Variants in FHIT observed in about 807,000 individuals in gnomAD.
FHIT encodes the protein fragile histidine triad diadenosine triphosphatase, also known as bis(5'-adenosyl)-triphosphatase.
In FHIT, 19 loss-of-function variants were observed where a neutral mutation model predicts 17.9. The observed-to-expected ratio is 1.06, with a 90% CI of 0.74 to 1.56. FHIT has a LOEUF of 1.56. FHIT is among the 40% of genes most tolerant of loss of function. The pLI is 0.00. For synonymous variants in FHIT, 81 were observed against 69.7 expected (o/e 1.16, Z -0.81); for missense variants, 248 against 189.2 (o/e 1.31, Z -1.82).
At chr3:59,917,244 A>G (rs1200980460) in intron 8 of FHIT, among the ~76,000 whole-genome samples, 1 of 152,216 alleles carries the variant, frequency 6.6e-6, no homozygotes. Context: ...AATTTGTCCA[A>G]TTGCTGATTG....
At chr3:59,752,390 G>C in intron 8 of FHIT, 69 bp from the exon 9 acceptor site, 1 of 1,261,402 alleles carries the variant, frequency 7.9e-7, no homozygotes, top group Non-Finnish European at 1.1e-6. Context: ...AATTTCGGGG[G>C]GCTGGGGGAG....
At chr3:60,193,541 C>T (rs1328228732) in intron 5 of FHIT, among the ~76,000 whole-genome samples, 4 of 152,290 alleles carry the variant, frequency 2.6e-5, no homozygotes, top group Non-Finnish European at 5.9e-5. Flanking sequence ...GGACAACTCT[C>T]AAACACAGGG....
chr3:60,413,542 C>T (rs1422016971), intron 5 of FHIT, among the ~76,000 whole-genome samples: 1 of 152,080 alleles, frequency 6.6e-6, no homozygotes, highest in African/African-American at 2.4e-5. Flanking sequence ...TCAATAAGTG[C>T]ATGTTAGGTA....
intron 4 of FHIT, among the ~76,000 whole-genome samples, chr3:60,718,796 A>C (rs983213283): frequency 1.3e-5 from 2 of 152,214 alleles, no homozygotes; most frequent in African/African-American, 4.8e-5. Flanking sequence ...ATATAGAATT[A>C]AACAAATTTT....
intron 8 of FHIT, among the ~76,000 whole-genome samples, chr3:59,919,378 G>A (rs1705296462): frequency 6.6e-6 from 1 of 152,226 alleles, no homozygotes; most frequent in East Asian, 1.9e-4. Context: ...GATACTCACA[G>A]ATCTGCCCTC....
rs896340543 is a variant in FHIT at position 59,749,405 on chromosome 3, T to C, written c.*180A>G. On this transcript the variant is annotated 3_prime_UTR_variant, in exon 10 of 10. Coordinates refer to ENST00000492590, the MANE Select transcript of FHIT (RefSeq NM_002012.4). ...TGTCTGAGCCGTTTAGGTCTAGGTA[T>C]TTTAAGGGAGTTGGAGTGACCGAGG... is the stretch of plus-strand genomic sequence containing the variant. The C allele has an allele frequency of 2.2e-5, 5 of 231,142 alleles. No homozygotes were observed. The highest frequency in any genetic ancestry group is 4.3e-5 in the Non-Finnish European group (5 of 117,006). 14.3% of individuals were successfully genotyped at this position (231,142 alleles called of 1,614,324 possible). A position where few individuals can be genotyped will look rare whatever the true frequency, so the allele number is the denominator to read the frequency against.
chr3:60,601,582 A>G (rs1474390859), intron 4 of FHIT, among the ~76,000 whole-genome samples: 1 of 152,188 alleles, frequency 6.6e-6, no homozygotes, highest in Non-Finnish European at 1.5e-5. Context: ...TAACAAAAAC[A>G]TAAAACACCC....
At chr3:60,174,582 G>A (rs973977506) in intron 5 of FHIT, among the ~76,000 whole-genome samples, 3 of 150,102 alleles carry the variant, frequency 2.0e-5, no homozygotes, top group Non-Finnish European at 4.4e-5. Flanking sequence ...AAATCACATG[G>A]CTAATGAGAA....
At chr3:59,799,646 G>A (rs1000113017) in intron 8 of FHIT, among the ~76,000 whole-genome samples, 2 of 152,124 alleles carry the variant, frequency 1.3e-5, no homozygotes, top group Non-Finnish European at 2.9e-5. Context: ...ATTTTGGAGG[G>A]GGATAGGGAA....
In FHIT at chr3:60,033,872, A is replaced by G. The variant is rs1047890882; in HGVS notation, c.104-19720T>C. 1.4e-4 allele frequency among the ~76,000 whole-genome samples: 21 copies of G among 152,374 alleles called. No homozygotes were observed. The South Asian group carries it at 2.3e-3, about 17-fold the overall frequency. On this transcript the variant is annotated intron_variant, in intron 5 of 9. Transcript: ENST00000492590. ...ATTAGCAAGTATTAGCATCATCAAC[A>G]TTATCATTTATGTTCTCAAAAGTCA... is the stretch of plus-strand genomic sequence containing the variant.
At chr3:60,133,940 C>T (rs1044763016) in intron 5 of FHIT, among the ~76,000 whole-genome samples, 1 of 151,360 alleles carries the variant, frequency 6.6e-6, no homozygotes, top group Non-Finnish European at 1.5e-5. Flanking sequence ...TAAAATCAGA[C>T]TTCGTGCCAG....
rs191141648 is a variant in FHIT, at chr3:61,138,868, A to G, written c.-164+61749T>C. 1.0e-3 allele frequency among the ~76,000 whole-genome samples: 159 copies of G among 152,216 alleles called. 1 individual carries two copies. The highest frequency in any genetic ancestry group is 3.7e-3 in the African/African-American group (154 of 41,528). On this transcript the variant is annotated intron_variant, in intron 2 of 9. Transcript: ENST00000492590. ...GAGGAAAGGCCTCCAAAGAAAATTA[A>G]CCATTTGACTTCAAAATGTTATGCT...
rs150484099 is a variant in FHIT, at chr3:60,190,045, T to C, written c.104-175893A>G. On this transcript the variant is annotated intron_variant, in intron 5 of 9. Coordinates refer to ENST00000492590, the MANE Select transcript of FHIT (RefSeq NM_002012.4). ...TCCATTCAGCTTTGAAACATGTTTC[T>C]TTTAAGTCAGCTACTTTTCAGTAGG... Among the ~76,000 whole-genome samples the C allele has an allele frequency of 4.5e-3, 689 of 152,334 alleles. 8 individuals are homozygous for C. Among genetic ancestry groups the C allele is most frequent in the Middle Eastern group, 6.8e-3 (2 of 294 alleles).
At chr3:59,973,373 G>T (rs1031560313) in intron 7 of FHIT, among the ~76,000 whole-genome samples, 3 of 151,890 alleles carry the variant, frequency 2.0e-5, no homozygotes, top group East Asian at 1.9e-4. Context: ...TGCATTTTTG[G>T]TCTTCTCTTG....
rs551473464 is a variant in FHIT, at chr3:60,425,161, T to A, written c.103+111699A>T. 1.6e-3 allele frequency among the ~76,000 whole-genome samples: 245 copies of A among 152,116 alleles called. 1 individual carries two copies. Among genetic ancestry groups the A allele is most frequent in the African/African-American group, 5.5e-3 (229 of 41,514 alleles). On this transcript the variant is annotated intron_variant, in intron 5 of 9. Coordinates refer to ENST00000492590, the MANE Select transcript of FHIT (RefSeq NM_002012.4). The stretch of plus-strand genomic sequence containing the variant: ...CCCACTGCAACTATCTGAAGCACCC[T>A]CCTACAGGAGGGGATGGGAAATGTC...
At chr3:60,668,648 G>A (rs781862167) in intron 4 of FHIT, among the ~76,000 whole-genome samples, 19 of 138,864 alleles carry the variant, frequency 1.4e-4, no homozygotes, top group South Asian at 4.6e-4. Flanking sequence ...TGCAAGCTCC[G>A]CCTCCCAGGT....
At chr3:59,787,481 AAC>A (rs58100812) in intron 8 of FHIT, among the ~76,000 whole-genome samples, 6,660 of 142,380 alleles carry the variant, frequency 0.047, 152 homozygotes, top group African/African-American at 0.062. Context: ...CAAGGGGCAA[AAC>A]ACACACACAC....
At chr3:60,519,529 G>C (rs977624668) in intron 5 of FHIT, among the ~76,000 whole-genome samples, 1 of 152,030 alleles carries the variant, frequency 6.6e-6, no homozygotes, top group Non-Finnish European at 1.5e-5. Flanking sequence ...ATAAACACTT[G>C]ATTAACAAAT....
At chr3:60,612,492 T>C (rs1196546792) in intron 4 of FHIT, among the ~76,000 whole-genome samples, 1 of 152,230 alleles carries the variant, frequency 6.6e-6, no homozygotes, top group African/African-American at 2.4e-5. Context: ...AATCTATGCC[T>C]GGCTTTAGCA....
Sources: allele counts gnomAD v4.1 joint callset (sites outside exome capture counted in the v4.1 genomes callset), GRCh38; gene constraint gnomAD v4.1.1; transcripts MANE v1.5; gene names NCBI Gene and HGNC (gene_info 2026-07-23, HGNC 2026-07-21).